The following DPCD variants were observed in gnomAD, a reference collection of about 807,000 sequenced individuals.
DPCD encodes protein DPCD.
In DPCD, 20 loss-of-function variants were observed where a neutral mutation model predicts 26.4. The ratio of observed to expected loss-of-function variants is 0.76; its 90% confidence interval spans 0.53 to 1.10. The LOEUF (loss-of-function observed/expected upper bound fraction) is 1.10, where lower values mean the gene tolerates loss of function less well. DPCD is among the 50% of genes least tolerant of loss of function. The probability of loss-of-function intolerance (pLI) is 0.00; values close to 1 mark genes in which losing one functional copy is unlikely to be tolerated. For synonymous variants in DPCD, 97 were observed against 94.2 expected (o/e 1.03, Z -0.17); for missense variants, 202 against 253.9 (o/e 0.80, Z 1.39).
chr10:101,591,504 G>A (rs1030801030), intron 1 of DPCD, among the ~76,000 whole-genome samples: 1 of 152,024 alleles, frequency 6.6e-6, no homozygotes, highest in African/African-American at 2.4e-5. Flanking sequence ...GGGTGTGTAG[G>A]AGGGGTGTGG....
In DPCD at chr10:101,600,208, C is replaced by CT. The variant is rs1001934190; in HGVS notation, c.146-521dup. Among the ~76,000 whole-genome samples, 2 of 150,762 alleles carry CT rather than the reference C, an allele frequency of 1.3e-5. No individual in the cohort carries two copies. Among genetic ancestry groups the CT allele is most frequent in the Admixed American group, 6.6e-5 (1 of 15,104 alleles). On this transcript the variant is annotated intron_variant, in intron 2 of 5. Coordinates refer to ENST00000370151, the MANE Select transcript of DPCD (RefSeq NM_015448.3). The surrounding 1 kb of genome is among the most constrained non-coding windows in gnomAD (Gnocchi z 4.7). ...AGCGTTTTTTTGTTTTTGCTTTTTT[C>CT]TTTTTTTTTAAGCAAGGTATACCTG...
chr10:101,588,353 G>C lies in DPCD; in HGVS notation c.17G>C (p.Trp6Ser). 4 of 1,599,626 alleles carry C rather than the reference G, an allele frequency of 2.5e-6. No homozygotes were observed. Among genetic ancestry groups the C allele is most frequent in the Non-Finnish European group, 3.4e-6 (4 of 1,171,016 alleles). ...AGGGGAAAGATGGCGGTGACGGGCTGGTTGGAGAGTCTGCGGACAGCCCAG... is the reference window on the plus strand; with the variant it reads ...AGGGGAAAGATGGCGGTGACGGGCTCGTTGGAGAGTCTGCGGACAGCCCAG... MAVTG[W>S]LESLRTAQKT... The change falls in exon 1 of 6, where the codon TGG becomes TCG. Residue 6 changes from tryptophan (W) to serine (S), a missense_variant. Trp to Ser is a radical substitution (Grantham distance 177, BLOSUM62 -3). Coordinates refer to ENST00000370151, the MANE Select transcript of DPCD (RefSeq NM_015448.3).
rs1304059341 is a variant in DPCD, at chr10:101,588,390, G to A, written c.54G>A (p.Leu18=). 2.5e-6 allele frequency: 4 copies of A among 1,594,458 alleles called. 1 individual carries two copies. In the South Asian group the frequency reaches 4.5e-5, roughly 18 times the overall value. Residue 18 remains leucine (L), a synonymous_variant, in exon 1 of 6, where the codon CTG becomes CTA. Transcript: ENST00000370151. ...TGCGGACAGCCCAGAAGACTGCGCTGCTGCAGGACGGTAACTCGAGGGTCC... is the reference window on the plus strand; with the variant it reads ...TGCGGACAGCCCAGAAGACTGCGCTACTGCAGGACGGTAACTCGAGGGTCC... The part of the protein sequence containing the change: ...ESLRTAQKTA[L]LQDGRRKVHY...
At position 101,601,161 on chromosome 10, in the gene DPCD, C is replaced by T. The variant is rs374533570; in HGVS notation, c.271-42C>T. The T allele has an allele frequency of 1.9e-6, 3 of 1,611,614 alleles. No homozygotes were observed. The African/African-American group carries it at 4.0e-5, about 22-fold the overall frequency. On this transcript the variant is annotated intron_variant, in intron 3 of 5. Transcript: ENST00000370151. ...CGCTCTGATGAGGGTGGAGCCTTCC[C>T]TTCCCCAGGAACAGTCCTCGAGTTG...
intron 4 of DPCD, 121 bp from the exon 5 acceptor site, chr10:101,608,714 C>A: frequency 1.5e-6 from 1 of 673,104 alleles, no homozygotes; most frequent in South Asian, 1.7e-5. Flanking sequence ...TTTCCCTTCT[C>A]CCTCTCTGCG....
At chr10:101,589,070 T>TG (rs1360750395) in intron 1 of DPCD, among the ~76,000 whole-genome samples, 3 of 152,240 alleles carry the variant, frequency 2.0e-5, no homozygotes, top group African/African-American at 7.2e-5. Flanking sequence ...TTTGTGCACT[T>TG]GGGTCCTTTC....
chr10:101,608,904 C>G lies in DPCD; in HGVS notation c.474C>G (p.Ser158Arg), dbSNP rs61874047. 2 of 1,613,766 alleles carry G rather than the reference C, an allele frequency of 1.2e-6. No individual in the cohort carries two copies. ...TACCTCTGGATGACGCCTTGCTGAG[C>G]TTTGCCCACGCCAACTGCACCCTGA... The part of the protein sequence containing the change: ...HQLPLDDALL[S>R]FAHANCTLII... Residue 158 changes from serine (S) to arginine (R), a missense_variant, in exon 5 of 6, where the codon AGC becomes AGG. Coordinates refer to ENST00000370151, the MANE Select transcript of DPCD (RefSeq NM_015448.3).
chr10:101,599,917 T>C (rs1405337487), intron 2 of DPCD, among the ~76,000 whole-genome samples: 2 of 152,192 alleles, frequency 1.3e-5, no homozygotes, highest in Non-Finnish European at 2.9e-5. Flanking sequence ...CCCCCTGCAG[T>C]GATGGACCGC....
intron 2 of DPCD, among the ~76,000 whole-genome samples, chr10:101,595,233 G>A (rs573513134): frequency 6.6e-6 from 1 of 152,276 alleles, no homozygotes; most frequent in South Asian, 2.1e-4. Context: ...CAGTCAAAGA[G>A]GGTCAAAACA....
At chr10:101,594,490 A>C (rs1045370595) in intron 1 of DPCD, among the ~76,000 whole-genome samples, 168 bp from the exon 2 acceptor site, 1 of 152,200 alleles carries the variant, frequency 6.6e-6, no homozygotes, top group African/African-American at 2.4e-5. Context: ...GTCTCAGGAC[A>C]CGTTTTAAAG....
intron 1 of DPCD, among the ~76,000 whole-genome samples, chr10:101,589,493 AG>A (rs2063562486): frequency 6.6e-6 from 1 of 152,252 alleles, no homozygotes; most frequent in Non-Finnish European, 1.5e-5. Flanking sequence ...CCGTAATTCC[AG>A]CACTCTGGGA....
chr10:101,609,520 C>T lies in DPCD; in HGVS notation c.*49C>T. Reference sequence around the variant, plus strand: ...CACCACAGGGGGTGCCGTGAGACTTCAAGGCTTGGCCCTTCTTGACCACGG... The same window carrying T: ...CACCACAGGGGGTGCCGTGAGACTTTAAGGCTTGGCCCTTCTTGACCACGG... On this transcript the variant is annotated 3_prime_UTR_variant, in exon 6 of 6. Coordinates refer to ENST00000370151, the MANE Select transcript of DPCD (RefSeq NM_015448.3). The T allele has an allele frequency of 6.4e-7, 1 of 1,559,368 alleles. No individual in the cohort carries two copies. Among genetic ancestry groups the T allele is most frequent in the Non-Finnish European group, 8.8e-7 (1 of 1,138,126 alleles).
At chr10:101,594,604 AG>A (rs2063636077) in intron 1 of DPCD, 53 bp from the exon 2 acceptor site, 1 of 1,577,524 alleles carries the variant, frequency 6.3e-7, no homozygotes, top group East Asian at 2.2e-5. Context: ...TTGATCTGCA[AG>A]GGACAGGGCA....
rs1564894420 is a variant in DPCD at position 101,601,226 on chromosome 10, C to G, written c.294C>G (p.Thr98=). Residue 98 remains threonine (T), a synonymous_variant, in exon 4 of 6, where the codon ACC becomes ACG. Transcript: ENST00000370151. ...NANPIFMRKD[T]KMSFQWRIRN... ...AGCCTATCTTCATGCGCAAGGACAC[C>G]AAGATGAGTTTCCAGTGGCGGATTC... 2 of 1,613,756 alleles carry G rather than the reference C, an allele frequency of 1.2e-6. No individual in the cohort carries two copies. The highest frequency in any genetic ancestry group is 1.1e-5 in the South Asian group (1 of 91,042).
At chr10:101,601,929 T>TC (rs1476169893) in intron 4 of DPCD, among the ~76,000 whole-genome samples, 2 of 152,146 alleles carry the variant, frequency 1.3e-5, no homozygotes, top group Non-Finnish European at 2.9e-5. Flanking sequence ...CCCTTTGTGG[T>TC]CCCCTAGAGG....
chr10:101,594,993 T>G (rs1164919849), intron 2 of DPCD, among the ~76,000 whole-genome samples: 1 of 152,052 alleles, frequency 6.6e-6, no homozygotes, highest in Non-Finnish European at 1.5e-5. Flanking sequence ...TTCTAAGATG[T>G]AGAGAAACAG....
At chr10:101,593,440 A>G (rs541878857) in intron 1 of DPCD, among the ~76,000 whole-genome samples, 1 of 152,282 alleles carries the variant, frequency 6.6e-6, no homozygotes, top group South Asian at 2.1e-4. Flanking sequence ...GTACTTGTCT[A>G]CTGGATGTTA....
Position 101,596,975 on chromosome 10 carries a change from A to G in DPCD, c.145+2237A>G, listed in dbSNP as rs372896685. Reference sequence around the variant, plus strand: ...CAGAGTTCCTCCCGTCGGTGTTAATAAGCATGTTAGTGTCCTGTTTTTTTC... The same window carrying G: ...CAGAGTTCCTCCCGTCGGTGTTAATGAGCATGTTAGTGTCCTGTTTTTTTC... On this transcript the variant is annotated intron_variant, in intron 2 of 5. Transcript: ENST00000370151. 7.0e-4 allele frequency among the ~76,000 whole-genome samples: 107 copies of G among 152,294 alleles called. 2 individuals carry two copies. The highest frequency in any genetic ancestry group is 2.2e-3 in the African/African-American group (90 of 41,554).
At chr10:101,593,010 C>CAAAAAAAAAAAACA (rs941618084) in intron 1 of DPCD, among the ~76,000 whole-genome samples, 1 of 84,468 alleles carries the variant, frequency 1.2e-5, no homozygotes. Flanking sequence ...GAGACTCTGT[C>CAAAAAAAAAAAACA]AAAAAAAAAA....
Sources: allele counts gnomAD v4.1 joint callset (sites outside exome capture counted in the v4.1 genomes callset), GRCh38; gene constraint gnomAD v4.1.1; non-coding constraint Gnocchi (gnomAD v3.1); transcripts MANE v1.5; gene names NCBI Gene and HGNC (gene_info 2026-07-23, HGNC 2026-07-21).